The following MDFIC2 variants were observed in gnomAD, a reference collection of about 807,000 sequenced individuals.
The protein encoded by MDFIC2 is MyoD family inhibitor domain containing 2, also known as myoD family inhibitor domain-containing protein 2.
intron 2 of MDFIC2, among the ~76,000 whole-genome samples, chr3:70,293,029 T>C (rs114275883): frequency 0.059 from 8,452 of 143,996 alleles, 382 homozygotes; most frequent in Non-Finnish European, 0.088. Flanking sequence ...AGAACTTTGA[T>C]TTCTGTGGTT....
intron 2 of MDFIC2, among the ~76,000 whole-genome samples, chr3:70,296,511 A>T (rs7641392): frequency 0.013 from 1,975 of 152,136 alleles, 40 homozygotes; most frequent in African/African-American, 0.045. Flanking sequence ...AAGATAATTT[A>T]AAAAAAATCA....
intron 2 of MDFIC2, among the ~76,000 whole-genome samples, chr3:70,252,368 G>T (rs1036211650): frequency 6.6e-6 from 1 of 152,208 alleles, no homozygotes; most frequent in Non-Finnish European, 1.5e-5. Flanking sequence ...TTGCTTCAGT[G>T]TATGACTTTT....
chr3:70,224,142 A>G (rs920473543), intron 2 of MDFIC2, among the ~76,000 whole-genome samples: 9 of 152,178 alleles, frequency 5.9e-5, no homozygotes, highest in Non-Finnish European at 8.8e-5. Context: ...GAGGGAAAAT[A>G]ATTGAATGTG....
rs1031612145 is a variant in MDFIC2 at position 70,256,625 on chromosome 3, A to G, written c.89-49835T>C. Among the ~76,000 whole-genome samples, 2 of 152,154 alleles carry G rather than the reference A, an allele frequency of 1.3e-5. 1 individual carries two copies. The highest frequency in any genetic ancestry group is 1.3e-4 in the Admixed American group (2 of 15,274). On this transcript the variant is annotated intron_variant, in intron 2 of 3. Coordinates refer to ENST00000567252, the MANE Select transcript of MDFIC2 (RefSeq NM_001364677.1). ...TAAATAATGGGAAAGTAAAGTAAAT[A>G]ATGGGAAAGGAAATCCTCAAGCCAT...
intron 2 of MDFIC2, among the ~76,000 whole-genome samples, chr3:70,222,634 T>G (rs1429928621): frequency 2.6e-5 from 4 of 152,108 alleles, no homozygotes; most frequent in Non-Finnish European, 5.9e-5. Context: ...GATGGAACCT[T>G]AGGGCCTCCT....
chr3:70,304,093 A>G (rs1227321138), intron 2 of MDFIC2, among the ~76,000 whole-genome samples: 2 of 152,136 alleles, frequency 1.3e-5, no homozygotes, highest in African/African-American at 4.8e-5. Context: ...CCAAATGTCA[A>G]CCAGGGTCTA....
chr3:70,226,808 A>G (rs2106741100), intron 2 of MDFIC2, among the ~76,000 whole-genome samples: 1 of 152,162 alleles, frequency 6.6e-6, no homozygotes, highest in South Asian at 2.1e-4. Context: ...TGAAGAGAAG[A>G]CAAAGTTTGT....
chr3:70,201,480 C>T (rs1186995629), intron 3 of MDFIC2, among the ~76,000 whole-genome samples: 1 of 152,100 alleles, frequency 6.6e-6, no homozygotes, highest in Admixed American at 6.5e-5. Context: ...CATGTCTTTG[C>T]TATTGCAAAT....
chr3:70,231,212 C>T lies in MDFIC2; in HGVS notation c.89-24422G>A, dbSNP rs578209762. Among the ~76,000 whole-genome samples the T allele has an allele frequency of 2.6e-5, 4 of 152,308 alleles. No homozygotes were observed. The South Asian group carries it at 8.3e-4, about 32-fold the overall frequency. Reference sequence around the variant, plus strand: ...AAAGAGGTTTTATTGAAGGAAACAGCAGTGGCAAACAGCTAGCCATGCTCA... The same window carrying T: ...AAAGAGGTTTTATTGAAGGAAACAGTAGTGGCAAACAGCTAGCCATGCTCA... On this transcript the variant is annotated intron_variant, in intron 2 of 3. Transcript: ENST00000567252.
chr3:70,309,035 T>C (rs145866490), intron 2 of MDFIC2, among the ~76,000 whole-genome samples: 2 of 152,272 alleles, frequency 1.3e-5, no homozygotes, highest in East Asian at 3.9e-4. Flanking sequence ...GAAAAACACT[T>C]TTTTGAACAA....
rs962348660 is a variant in MDFIC2 at position 70,244,660 on chromosome 3, G to A, written c.89-37870C>T. Among the ~76,000 whole-genome samples, 11 of 152,200 alleles carry A rather than the reference G, an allele frequency of 7.2e-5. No individual in the cohort carries two copies. The East Asian group carries it at 2.1e-3, about 29-fold the overall frequency. ...CTTTAGGGCAAATGCAATTAACTTA[G>A]AATAATAGACTCAAATTTGATGGTT... On this transcript the variant is annotated intron_variant, in intron 2 of 3. Coordinates refer to ENST00000567252, the MANE Select transcript of MDFIC2 (RefSeq NM_001364677.1).
chr3:70,307,841 C>G (rs1702416988), intron 2 of MDFIC2, among the ~76,000 whole-genome samples: 1 of 152,164 alleles, frequency 6.6e-6, no homozygotes, highest in Admixed American at 6.6e-5. Context: ...GGTTTTCTCA[C>G]TTCATTTTGC....
At position 70,259,874 on chromosome 3, in the gene MDFIC2, G is replaced by A. The variant is rs566672148; in HGVS notation, c.88+52012C>T. 2.0e-5 allele frequency among the ~76,000 whole-genome samples: 3 copies of A among 152,280 alleles called. 1 individual carries two copies. Among genetic ancestry groups the A allele is most frequent in the African/African-American group, 7.2e-5 (3 of 41,548 alleles). On this transcript the variant is annotated intron_variant, in intron 2 of 3. Transcript: ENST00000567252. ...AGGAAACTTACAATCATGGTGGAAG[G>A]TGGAGGGGAAGCAAGGCACCTTCTT...
intron 2 of MDFIC2, among the ~76,000 whole-genome samples, chr3:70,274,025 T>C (rs1168245403): frequency 5.3e-5 from 8 of 151,290 alleles, no homozygotes; most frequent in African/African-American, 2.4e-5. Context: ...CCATTATTAA[T>C]ATTATAAATA....
intron 2 of MDFIC2, among the ~76,000 whole-genome samples, chr3:70,232,912 G>T (rs2106746069): frequency 6.6e-6 from 1 of 152,254 alleles, no homozygotes; most frequent in East Asian, 1.9e-4. Context: ...CCCTATGCTA[G>T]GCGTGGGGGT....
At chr3:70,264,220 T>C (rs1701893796) in intron 2 of MDFIC2, among the ~76,000 whole-genome samples, 1 of 152,234 alleles carries the variant, frequency 6.6e-6, no homozygotes, top group Non-Finnish European at 1.5e-5. Flanking sequence ...GGCAATGACT[T>C]GAACATCTCT....
rs1215359174 is a variant in MDFIC2 at position 70,281,181 on chromosome 3, A to G, written c.88+30705T>C. 2.0e-5 allele frequency among the ~76,000 whole-genome samples: 3 copies of G among 152,126 alleles called. No homozygotes were observed. The East Asian group carries it at 5.8e-4, about 29-fold the overall frequency. On this transcript the variant is annotated intron_variant, in intron 2 of 3. Coordinates refer to ENST00000567252, the MANE Select transcript of MDFIC2 (RefSeq NM_001364677.1). ...CTCTTGGCCCCTACAATTTTAGTGT[A>G]GTTGTCAGGATGCCAGAAGGATCAT... is the stretch of plus-strand genomic sequence containing the variant.
At chr3:70,260,911 C>T (rs1028623540) in intron 2 of MDFIC2, among the ~76,000 whole-genome samples, 2 of 152,094 alleles carry the variant, frequency 1.3e-5, no homozygotes, top group Non-Finnish European at 2.9e-5. Flanking sequence ...GACCAATATA[C>T]TTCTAGCTGA....
intron 2 of MDFIC2, among the ~76,000 whole-genome samples, chr3:70,275,282 G>T (rs1702012633): frequency 6.6e-6 from 1 of 152,108 alleles, no homozygotes; most frequent in South Asian, 2.1e-4. Context: ...CAGCACTTTG[G>T]CAGGCCGAGG....
Sources: gnomAD v4.1 joint callset for allele counts (sites outside exome capture counted in the v4.1 genomes callset) on GRCh38, gnomAD v4.1.1 for gene constraint, MANE v1.5 for transcripts, NCBI Gene and HGNC (gene_info 2026-07-23, HGNC 2026-07-21) for gene names.